LRRC7: variants seen among roughly 807,000 people sequenced by gnomAD.
LRRC7 encodes the protein leucine-rich repeat-containing protein 7.
A neutral mutation model predicts 175.7 loss-of-function variants in LRRC7; 23 were observed. That is an observed-to-expected ratio of 0.13 (90% confidence interval 0.09 to 0.19). The LOEUF (loss-of-function observed/expected upper bound fraction) is 0.19. Ranked by LOEUF, LRRC7 falls within the 10% of genes least tolerant of loss-of-function variation. LRRC7 has a pLI of 1.00. For synonymous variants in LRRC7, 685 were observed against 680.9 expected, an observed-to-expected ratio of 1.01 and a Z score of -0.09; for missense variants, 1,354 against 1,904.7, an observed-to-expected ratio of 0.71 and a Z score of 5.38.
chr1:70,067,654 A>G (rs1334756874), intron 23 of LRRC7, among the ~76,000 whole-genome samples: 1 of 152,130 alleles, frequency 6.6e-6, no homozygotes, highest in African/African-American at 2.4e-5. Context: ...ATATGTATTT[A>G]GAGATAAATC....
chr1:69,574,102 G>T (rs557050827), intron 1 of LRRC7, among the ~76,000 whole-genome samples: 2 of 152,058 alleles, frequency 1.3e-5, no homozygotes, highest in Non-Finnish European at 2.9e-5. Flanking sequence ...TAGGATACTT[G>T]TGTGTGTGGC....
intron 7 of LRRC7, among the ~76,000 whole-genome samples, chr1:69,890,221 A>C (rs1476143077): frequency 6.6e-6 from 1 of 152,244 alleles, no homozygotes; most frequent in Admixed American, 6.5e-5. Flanking sequence ...TTTCTTAAAT[A>C]ATAAGGCTTG....
At chr1:70,046,377 A>C (rs577263839) in intron 22 of LRRC7, among the ~76,000 whole-genome samples, 29 of 152,220 alleles carry the variant, frequency 1.9e-4, no homozygotes, top group Non-Finnish European at 3.8e-4. Flanking sequence ...GACTTTCAAT[A>C]GTCCTCAGTT....
At chr1:70,085,156 A>G (rs781078909) in intron 24 of LRRC7, among the ~76,000 whole-genome samples, 42 of 152,136 alleles carry the variant, frequency 2.8e-4, no homozygotes, top group Non-Finnish European at 4.9e-4. Context: ...ATGAAGTCCA[A>G]CATATCAATC....
rs1657438186 is a variant in LRRC7 at position 70,021,035 on chromosome 1, C to T, written c.1451C>T (p.Pro484Leu). 2.5e-6 allele frequency: 4 copies of T among 1,612,178 alleles called. No individual in the cohort carries two copies. Among genetic ancestry groups the T allele is most frequent in the Non-Finnish European group, 3.4e-6 (4 of 1,178,586 alleles). Residue 484 changes from proline to leucine, a missense_variant, in exon 16 of 27, where the codon CCT (proline) becomes CTT (leucine). Pro to Leu is a moderately conservative substitution (Grantham distance 98). Around this residue, in one of 4 missense-constraint regions of LRRC7, gnomAD observed 201 missense variants for 481.4 expected, o/e 0.42. Coordinates refer to ENST00000651989, the MANE Select transcript of LRRC7 (RefSeq NM_001370785.2). ...DFQSDSDSFN[P>L]TLWEEQRQQR... ...CAGTCAGACAGTGACAGCTTTAACC[C>T]TACACTGTGGGAAGAGCAGAGACAA...
intron 4 of LRRC7, among the ~76,000 whole-genome samples, chr1:69,822,881 T>G (rs1283068283): frequency 1.3e-5 from 2 of 152,228 alleles, no homozygotes; most frequent in Non-Finnish European, 2.9e-5. Context: ...ATCAGTAAAC[T>G]GTGAGATGTT....
intron 2 of LRRC7, among the ~76,000 whole-genome samples, chr1:69,728,077 T>C (rs1025892529): frequency 7.9e-5 from 12 of 152,206 alleles, no homozygotes; most frequent in African/African-American, 2.7e-4. Flanking sequence ...GGCAGTTTTA[T>C]TACTTTTTTC....
At chr1:69,687,718 T>A (rs1337551155) in intron 2 of LRRC7, among the ~76,000 whole-genome samples, 4 of 152,096 alleles carry the variant, frequency 2.6e-5, no homozygotes, top group Admixed American at 2.0e-4. Flanking sequence ...GGTCCCTTTT[T>A]TTTACCCTTC....
At chr1:69,653,858 G>C (rs540728248) in intron 1 of LRRC7, among the ~76,000 whole-genome samples, 10 of 151,998 alleles carry the variant, frequency 6.6e-5, no homozygotes, top group Non-Finnish European at 1.3e-4. Flanking sequence ...TAAGCTAATC[G>C]CAGAAGGACA....
At position 69,721,393 on chromosome 1, in the gene LRRC7, C is replaced by T. The variant is rs558296963; in HGVS notation, c.101-38798C>T. ...CTCCATCCTCCCTAATCTCTGCCAA[C>T]CACTGATTTTTTTTCTGTCTCCATA... On this transcript the variant is annotated intron_variant, in intron 2 of 26. Transcript: ENST00000651989. Among the ~76,000 whole-genome samples the T allele has an allele frequency of 1.6e-4, 24 of 151,938 alleles. No homozygotes were observed. In the South Asian group the frequency reaches 5.0e-3, roughly 32 times the overall value.
intron 9 of LRRC7, among the ~76,000 whole-genome samples, chr1:69,983,418 T>C (rs1344630467): frequency 1.3e-5 from 2 of 152,216 alleles, no homozygotes; most frequent in African/African-American, 2.4e-5. Context: ...GGGATAACTT[T>C]GGAGTGTTAC....
chr1:69,911,024 G>C (rs972996131), intron 7 of LRRC7, among the ~76,000 whole-genome samples: 5 of 152,204 alleles, frequency 3.3e-5, no homozygotes, highest in Non-Finnish European at 5.9e-5. Flanking sequence ...TAATCTCCTG[G>C]TGTGCCGTTT....
At chr1:70,008,579 T>C (rs1258399246) in intron 11 of LRRC7, among the ~76,000 whole-genome samples, 1 of 152,202 alleles carries the variant, frequency 6.6e-6, no homozygotes, top group Admixed American at 6.5e-5. Context: ...AAAAGTCTGT[T>C]TAAGATAATA....
intron 2 of LRRC7, among the ~76,000 whole-genome samples, chr1:69,749,640 A>G (rs868402222): frequency 6.6e-6 from 1 of 152,200 alleles, no homozygotes. Context: ...AAATCATTCA[A>G]CATTATTTTT....
intron 26 of LRRC7, among the ~76,000 whole-genome samples, chr1:70,117,357 C>T (rs1244891618): frequency 1.3e-5 from 2 of 152,176 alleles, no homozygotes; most frequent in African/African-American, 4.8e-5. Context: ...TTTAACAAAA[C>T]ATTTACCAGA....
chr1:69,987,448 CATT>C (rs1557960765), intron 10 of LRRC7, among the ~76,000 whole-genome samples: 1 of 152,094 alleles, frequency 6.6e-6, no homozygotes, highest in Non-Finnish European at 1.5e-5. Context: ...GGAACTTAAT[CATT>C]ATTAAGATTG....
At chr1:70,049,905 A>G (rs556407065) in intron 22 of LRRC7, among the ~76,000 whole-genome samples, 39 of 152,170 alleles carry the variant, frequency 2.6e-4, no homozygotes, top group African/African-American at 9.1e-4. Flanking sequence ...CCATGTGCCA[A>G]TTATTTAGCA....
chr1:69,818,911 T>A (rs1678907052), intron 4 of LRRC7, among the ~76,000 whole-genome samples: 1 of 152,146 alleles, frequency 6.6e-6, no homozygotes, highest in Non-Finnish European at 1.5e-5. Context: ...TTATCATGAT[T>A]TGTATATCTG....
intron 7 of LRRC7, among the ~76,000 whole-genome samples, chr1:69,860,761 A>C (rs535483630): frequency 1.1e-4 from 16 of 152,120 alleles, no homozygotes; most frequent in Non-Finnish European, 2.1e-4. Flanking sequence ...AAATAAAACT[A>C]TAAATTCTTA....
Sources: gnomAD v4.1 joint callset for allele counts (sites outside exome capture counted in the v4.1 genomes callset) on GRCh38, gnomAD v4.1.1 for gene constraint, gnomAD v4.1.1 regional missense constraint, MANE v1.5 for transcripts, NCBI Gene and HGNC (gene_info 2026-07-23, HGNC 2026-07-21) for gene names.